RFX3: variants seen among roughly 807,000 people sequenced by gnomAD.
The protein encoded by RFX3 is regulatory factor X3, also known as transcription factor RFX3.
Under a neutral mutation model 98.6 loss-of-function variants are expected in RFX3, and 14 were observed. That is an observed-to-expected ratio of 0.14 (90% CI 0.09 to 0.22). The LOEUF is 0.22. Ranked by LOEUF, RFX3 falls within the 10% of genes least tolerant of loss-of-function variation. The probability of loss-of-function intolerance (pLI) is 1.00; values close to 1 mark genes in which losing one functional copy is unlikely to be tolerated. For missense variants in RFX3, 639 were observed against 926.9 expected (o/e 0.69, Z 4.03); for synonymous variants, 383 against 328.4 (o/e 1.17, Z -1.80).
chr9:3,282,098 C>A (rs114121012), intron 7 of RFX3, among the ~76,000 whole-genome samples: 3,238 of 151,736 alleles, frequency 0.021, 117 homozygotes, highest in African/African-American at 0.074. Flanking sequence ...AGAACAAGGG[C>A]AGGAGGCTAG....
intron 1 of RFX3, among the ~76,000 whole-genome samples, chr9:3,503,244 G>C (rs1816246390): frequency 6.6e-6 from 1 of 152,090 alleles, no homozygotes; most frequent in Non-Finnish European, 1.5e-5. Flanking sequence ...TATAATCATT[G>C]AACCGGCCTT....
intron 1 of RFX3, among the ~76,000 whole-genome samples, chr9:3,519,126 C>T (rs1818457664): frequency 6.6e-6 from 1 of 152,076 alleles, no homozygotes; most frequent in Non-Finnish European, 1.5e-5. Flanking sequence ...GGGAGTATAA[C>T]AGATAATGAC....
At chr9:3,236,377 C>A (rs1165444505) in intron 15 of RFX3, among the ~76,000 whole-genome samples, 1 of 152,076 alleles carries the variant, frequency 6.6e-6, no homozygotes, top group African/African-American at 2.4e-5. Flanking sequence ...ATTGAGGAAA[C>A]CAAAATATAC....
At chr9:3,370,022 TA>T (rs1837652069) in intron 2 of RFX3, among the ~76,000 whole-genome samples, 1 of 148,004 alleles carries the variant, frequency 6.8e-6, no homozygotes, top group African/African-American at 2.5e-5. Flanking sequence ...TTTGTATTTT[TA>T]GTAGAGACGG....
At position 3,330,600 on chromosome 9, in the gene RFX3, A is replaced by C. The variant is rs923718536; in HGVS notation, c.216-83T>G. The stretch of plus-strand genomic sequence containing the variant: ...TTTTTCTAATATGAATGTAATTGAA[A>C]TATATTGGTTGGCTTAGCCTTTGCA... On this transcript the variant is annotated intron_variant, in intron 3 of 16. Transcript: ENST00000617270. 2.4e-5 allele frequency: 31 copies of C among 1,316,372 alleles called. No individual in the cohort carries two copies. In the African/African-American group the frequency reaches 4.5e-4, roughly 19 times the overall value. The allele number at this position is 1,316,372 out of a possible 1,614,324, so 81.5% of individuals were successfully genotyped here.
chr9:3,226,705 G>C (rs1817817955), intron 16 of RFX3, among the ~76,000 whole-genome samples: 1 of 152,238 alleles, frequency 6.6e-6, no homozygotes, highest in African/African-American at 2.4e-5. Context: ...TACAGGGAGA[G>C]GGATACCTTT....
chr9:3,302,812 T>C (rs1828823854), intron 4 of RFX3, among the ~76,000 whole-genome samples: 1 of 151,822 alleles, frequency 6.6e-6, no homozygotes, highest in Admixed American at 6.6e-5. Flanking sequence ...ATACACAAAA[T>C]ACTCAGTATC....
rs1817395153 is a variant in RFX3, at chr9:3,222,611, G to A, written c.*2431C>T. The A allele has an allele frequency of 6.6e-6, 1 of 152,176 alleles. No homozygotes were observed. The highest frequency in any genetic ancestry group is 2.1e-4 in the South Asian group (1 of 4,830). 9.4% of individuals were successfully genotyped at this position (152,176 alleles called of 1,614,324 possible). On this transcript the variant is annotated 3_prime_UTR_variant, in exon 17 of 17. Transcript: ENST00000617270. ...GGATGGCGGGTAGAGACAGGAAACT[G>A]AAAAAATTCAGAAAGGAGAGCCAAA... is the stretch of plus-strand genomic sequence containing the variant.
chr9:3,392,143 C>G (rs1840381576), intron 2 of RFX3, among the ~76,000 whole-genome samples: 1 of 152,080 alleles, frequency 6.6e-6, no homozygotes, highest in South Asian at 2.1e-4. Context: ...ATTTTGAAGT[C>G]AACAAGACTC....
At chr9:3,321,365 C>G (rs927199322) in intron 4 of RFX3, among the ~76,000 whole-genome samples, 2 of 152,194 alleles carry the variant, frequency 1.3e-5, no homozygotes, top group African/African-American at 4.8e-5. Context: ...CCACATTGCT[C>G]TCCAATTCTG....
chr9:3,444,111 C>T (rs559899008), intron 1 of RFX3, among the ~76,000 whole-genome samples: 5 of 152,134 alleles, frequency 3.3e-5, no homozygotes, highest in East Asian at 1.9e-4. Context: ...TCATGTACAT[C>T]GATAGTCATA....
At chr9:3,273,585 T>C (rs1334409178) in intron 9 of RFX3, among the ~76,000 whole-genome samples, 4 of 152,060 alleles carry the variant, frequency 2.6e-5, no homozygotes, top group East Asian at 1.9e-4. Context: ...CATTATAGGG[T>C]GGGCACAGTG....
At chr9:3,356,330 G>A (rs56770101) in intron 2 of RFX3, among the ~76,000 whole-genome samples, 6,597 of 151,754 alleles carry the variant, frequency 0.043, 426 homozygotes, top group African/African-American at 0.13. Flanking sequence ...GATGAAAGGG[G>A]AAACGTCACT....
chr9:3,420,962 A>G, intron 1 of RFX3: 1 of 969,322 alleles, frequency 1.0e-6, no homozygotes. Flanking sequence ...AACAGAAACT[A>G]GCCTAAGGAG....
chr9:3,247,581 G>C, intron 15 of RFX3: 2 of 1,234,066 alleles, frequency 1.6e-6, no homozygotes, highest in South Asian at 1.9e-5. Flanking sequence ...AAAAATGTTA[G>C]TTATCATCAT....
chr9:3,253,543 G>T (rs560907536), intron 14 of RFX3, among the ~76,000 whole-genome samples: 7 of 32,106 alleles, frequency 2.2e-4, no homozygotes, highest in Non-Finnish European at 4.7e-4. Flanking sequence ...CCCAAGAAAG[G>T]CAGTGATTTT....
intron 11 of RFX3, among the ~76,000 whole-genome samples, chr9:3,268,224 AT>A (rs1273254033): frequency 2.0e-5 from 3 of 151,746 alleles, no homozygotes; most frequent in African/African-American, 4.8e-5. Context: ...GATGTGCAGA[AT>A]TTTTTTAGCT....
intron 15 of RFX3, among the ~76,000 whole-genome samples, chr9:3,230,458 T>G (rs996202269): frequency 2.6e-5 from 4 of 152,194 alleles, no homozygotes; most frequent in Non-Finnish European, 4.4e-5. Context: ...TACTGAAGTT[T>G]TGCAGTTGTT....
At chr9:3,430,065 A>G (rs1844505869) in intron 1 of RFX3, among the ~76,000 whole-genome samples, 1 of 152,224 alleles carries the variant, frequency 6.6e-6, no homozygotes, top group Non-Finnish European at 1.5e-5. Flanking sequence ...TGATTTCTGT[A>G]TTCAAATCAT....
Sources: gnomAD v4.1 joint callset for allele counts (sites outside exome capture counted in the v4.1 genomes callset) on GRCh38, gnomAD v4.1.1 for gene constraint, MANE v1.5 for transcripts, NCBI Gene and HGNC (gene_info 2026-07-23, HGNC 2026-07-21) for gene names.